The following CNTN5 variants were observed in gnomAD, a reference collection of about 807,000 sequenced individuals.
CNTN5 encodes the protein contactin 5, also known as contactin-5.
CNTN5 carries 77 observed loss-of-function variants against 129.1 expected under a neutral mutation model. That is an observed-to-expected ratio of 0.60 (90% confidence interval 0.50 to 0.72). The LOEUF (loss-of-function observed/expected upper bound fraction) is 0.72, where lower values mean the gene tolerates loss of function less well. Among genes scored for constraint, CNTN5 ranks in the 30% least tolerant of loss-of-function variants. The pLI is 0.00. For synonymous variants in CNTN5, 509 were observed against 465.6 expected (o/e 1.09, Z -1.20); for missense variants, 1,478 against 1,328.8 (o/e 1.11, Z -1.75).
chr11:99,205,751 ATATC>A (rs1004070558), intron 1 of CNTN5, among the ~76,000 whole-genome samples: 83 of 152,310 alleles, frequency 5.4e-4, no homozygotes, highest in African/African-American at 2.0e-3. Flanking sequence ...TTGACAATGT[ATATC>A]TATATCAAAA....
At chr11:99,087,431 A>T (rs1591169813) in intron 1 of CNTN5, among the ~76,000 whole-genome samples, 1 of 152,220 alleles carries the variant, frequency 6.6e-6, no homozygotes, top group Non-Finnish European at 1.5e-5. Context: ...CTTATATACC[A>T]GATACAATGT....
intron 1 of CNTN5, among the ~76,000 whole-genome samples, chr11:99,101,325 G>A (rs542737922): frequency 6.6e-6 from 1 of 152,102 alleles, no homozygotes; most frequent in South Asian, 2.1e-4. Context: ...TCTGTCCCTG[G>A]CCTCTCCCAA....
intron 8 of CNTN5, among the ~76,000 whole-genome samples, chr11:99,977,717 G>A (rs1938080249): frequency 1.3e-5 from 2 of 152,098 alleles, no homozygotes; most frequent in South Asian, 4.1e-4. Context: ...CCATGATCTA[G>A]TTACCTCTCA....
chr11:99,276,305 C>T (rs1284993791), intron 1 of CNTN5, among the ~76,000 whole-genome samples: 1 of 151,470 alleles, frequency 6.6e-6, no homozygotes, highest in South Asian at 2.1e-4. Context: ...TATTTTGATT[C>T]CCCAAGTCAT....
chr11:99,528,525 C>A (rs1205731210), intron 2 of CNTN5, among the ~76,000 whole-genome samples: 4 of 152,196 alleles, frequency 2.6e-5, no homozygotes, highest in Non-Finnish European at 5.9e-5. Context: ...CAGTAAGTTA[C>A]AACTGCATAT....
Position 99,118,295 on chromosome 11 carries a change from T to C in CNTN5, c.-210+97025T>C, listed in dbSNP as rs188499518. ...ATAGTGGGTGTGTATTGGTATATAATTTTAATTTTATTATACATTTTGATG... is the reference window on the plus strand; with the variant it reads ...ATAGTGGGTGTGTATTGGTATATAACTTTAATTTTATTATACATTTTGATG... On this transcript the variant is annotated intron_variant, in intron 1 of 24. Transcript: ENST00000524871. Among the ~76,000 whole-genome samples the C allele has an allele frequency of 7.9e-5, 12 of 152,276 alleles. No homozygotes were observed. The East Asian group carries it at 2.3e-3, about 29-fold the overall frequency.
intron 3 of CNTN5, among the ~76,000 whole-genome samples, chr11:99,643,129 T>G: frequency 6.6e-6 from 1 of 152,148 alleles, no homozygotes; most frequent in African/African-American, 2.4e-5. Flanking sequence ...AAAAATGGAT[T>G]ATCTCATACA....
At chr11:100,191,607 T>C (rs1006252702) in intron 14 of CNTN5, among the ~76,000 whole-genome samples, 1 of 152,042 alleles carries the variant, frequency 6.6e-6, no homozygotes, top group African/African-American at 2.4e-5. Flanking sequence ...CAATCACTAA[T>C]ATTACTCTGT....
chr11:100,252,191 T>C lies in CNTN5; in HGVS notation c.2006-3569T>C, dbSNP rs527250176. On this transcript the variant is annotated intron_variant, in intron 16 of 24. Transcript: ENST00000524871. ...AGTGATGCTGACCATTTCTTTCATA[T>C]ATTTGTGGTCATTTGTGTGTCTTCT... 2.6e-4 allele frequency among the ~76,000 whole-genome samples: 40 copies of C among 152,266 alleles called. No individual in the cohort carries two copies. The South Asian group carries it at 3.5e-3, about 13-fold the overall frequency.
At chr11:99,237,477 T>A (rs936552747) in intron 1 of CNTN5, among the ~76,000 whole-genome samples, 14 of 152,072 alleles carry the variant, frequency 9.2e-5, no homozygotes, top group Non-Finnish European at 1.0e-4. Context: ...AGTGAGGAGA[T>A]CTAGACCATC....
intron 8 of CNTN5, among the ~76,000 whole-genome samples, chr11:99,980,167 G>A (rs979923232): frequency 3.3e-5 from 5 of 152,186 alleles, no homozygotes; most frequent in African/African-American, 9.6e-5. Context: ...TGACTTTAAT[G>A]TAAGGGAGAA....
chr11:99,297,243 A>C (rs919804848), intron 1 of CNTN5, among the ~76,000 whole-genome samples: 1 of 152,218 alleles, frequency 6.6e-6, no homozygotes, highest in Admixed American at 6.5e-5. Context: ...CAAAATGATC[A>C]GGGAAGCCAG....
chr11:99,319,647 T>C (rs565929559), intron 1 of CNTN5, among the ~76,000 whole-genome samples: 8 of 152,278 alleles, frequency 5.3e-5, no homozygotes, highest in African/African-American at 1.9e-4. Flanking sequence ...ATTATTGACA[T>C]CAATTAGTTT....
intron 2 of CNTN5, among the ~76,000 whole-genome samples, chr11:99,330,608 A>G (rs1252199761): frequency 6.6e-6 from 1 of 152,114 alleles, no homozygotes; most frequent in African/African-American, 2.4e-5. Context: ...ATGAGGTGCC[A>G]CTCAATGGGA....
At chr11:99,852,263 C>A (rs1947896869) in intron 6 of CNTN5, among the ~76,000 whole-genome samples, 1 of 151,940 alleles carries the variant, frequency 6.6e-6, no homozygotes, top group Non-Finnish European at 1.5e-5. Flanking sequence ...AGTGTGTAAT[C>A]CCTTGGCAAA....
chr11:99,162,352 C>T (rs938164723), intron 1 of CNTN5, among the ~76,000 whole-genome samples: 2 of 151,810 alleles, frequency 1.3e-5, no homozygotes, highest in East Asian at 1.9e-4. Context: ...TGTCTTGCTT[C>T]GCTTTTAGAT....
At chr11:99,973,426 A>G (rs1565741417) in intron 8 of CNTN5, among the ~76,000 whole-genome samples, 1 of 152,046 alleles carries the variant, frequency 6.6e-6, no homozygotes, top group Non-Finnish European at 1.5e-5. Context: ...TGTTCTTTCC[A>G]CTTTGCTTCG....
At chr11:100,068,318 A>T (rs1246463438) in intron 10 of CNTN5, among the ~76,000 whole-genome samples, 1 of 152,166 alleles carries the variant, frequency 6.6e-6, no homozygotes, top group Non-Finnish European at 1.5e-5. Flanking sequence ...TAAGAACTAC[A>T]GGTGTCCAGA....
Position 99,234,641 on chromosome 11 carries a change from A to G in CNTN5, c.-209-90705A>G, listed in dbSNP as rs1861173412. 1.3e-5 allele frequency among the ~76,000 whole-genome samples: 2 copies of G among 152,042 alleles called. 1 individual carries two copies. Among genetic ancestry groups the G allele is most frequent in the South Asian group, 4.1e-4 (2 of 4,826 alleles). On this transcript the variant is annotated intron_variant, in intron 1 of 24. Coordinates refer to ENST00000524871, the MANE Select transcript of CNTN5 (RefSeq NM_014361.4). Reference sequence around the variant, plus strand: ...CCAAGTCAGTTATTTCATCTCCACTACTTATGTGCCTAATAAATAATCAGT... The same window carrying G: ...CCAAGTCAGTTATTTCATCTCCACTGCTTATGTGCCTAATAAATAATCAGT...
Sources: gnomAD v4.1 joint callset for allele counts (sites outside exome capture counted in the v4.1 genomes callset) on GRCh38, gnomAD v4.1.1 for gene constraint, MANE v1.5 for transcripts, NCBI Gene and HGNC (gene_info 2026-07-23, HGNC 2026-07-21) for gene names.